Variants in GPC5 observed in about 807,000 individuals in gnomAD.
The protein encoded by GPC5 is glypican-5.
A neutral mutation model predicts 53.9 loss-of-function variants in GPC5; 47 were observed. The ratio of observed to expected loss-of-function variants is 0.87; its 90% confidence interval spans 0.69 to 1.11. The LOEUF (loss-of-function observed/expected upper bound fraction) is 1.11. GPC5 is among the 50% of genes most tolerant of loss of function. GPC5 has a pLI of 0.00. For synonymous variants in GPC5, 286 were observed against 263.3 expected, an observed-to-expected ratio of 1.09 and a Z score of -0.84; for missense variants, 748 against 713.1, an observed-to-expected ratio of 1.05 and a Z score of -0.56.
chr13:92,531,031 T>G (rs1881546740), intron 7 of GPC5, among the ~76,000 whole-genome samples: 1 of 152,202 alleles, frequency 6.6e-6, no homozygotes, highest in Admixed American at 6.5e-5. Context: ...ACCTAAATCC[T>G]TAGCACAATA....
Position 91,617,314 on chromosome 13 carries a change from G to T in GPC5, c.326-75873G>T, listed in dbSNP as rs549498789. On this transcript the variant is annotated intron_variant, in intron 2 of 7. Coordinates refer to ENST00000377067, the MANE Select transcript of GPC5 (RefSeq NM_004466.6). ...GGGGGGAAGACCGTGTAGAGAAGAT[G>T]CTATTTAATTTTGGTTTTTAAGGAT... Among the ~76,000 whole-genome samples the T allele has an allele frequency of 2.6e-5, 4 of 152,248 alleles. No individual in the cohort carries two copies. The South Asian group carries it at 8.3e-4, about 32-fold the overall frequency.
At chr13:92,036,048 T>C (rs1012236230) in intron 6 of GPC5, among the ~76,000 whole-genome samples, 2 of 152,224 alleles carry the variant, frequency 1.3e-5, no homozygotes, top group African/African-American at 4.8e-5. Context: ...GATAGTTCTA[T>C]CACATCAACC....
chr13:91,885,027 T>C (rs7998881), intron 5 of GPC5, among the ~76,000 whole-genome samples: 23,632 of 152,142 alleles, frequency 0.16, 2,126 homozygotes, highest in African/African-American at 0.26. Context: ...AATACTATTG[T>C]GGTAAATAAT....
At chr13:91,747,600 C>T (rs1326424960) in intron 4 of GPC5, among the ~76,000 whole-genome samples, 1 of 151,412 alleles carries the variant, frequency 6.6e-6, no homozygotes, top group African/African-American at 2.4e-5. Context: ...GAACATATTG[C>T]ATTCTCATTG....
chr13:92,743,661 GC>G (rs1216193761), intron 7 of GPC5, among the ~76,000 whole-genome samples: 30 of 152,056 alleles, frequency 2.0e-4, no homozygotes, highest in Non-Finnish European at 7.4e-5. Flanking sequence ...TCTGTCTTGT[GC>G]CAGTTTTCAA....
At chr13:91,419,954 T>A (rs1487855505) in intron 1 of GPC5, among the ~76,000 whole-genome samples, 3 of 152,160 alleles carry the variant, frequency 2.0e-5, no homozygotes, top group Non-Finnish European at 4.4e-5. Flanking sequence ...CTACAGAAGA[T>A]GTTTCATGAC....
chr13:92,504,975 T>TTA (rs150662924), intron 7 of GPC5, among the ~76,000 whole-genome samples: 2,645 of 150,392 alleles, frequency 0.018, 82 homozygotes, highest in African/African-American at 0.06. Context: ...CTATATATAT[T>TTA]TATATATATA....
At chr13:92,128,905 G>C (rs575128348) in intron 6 of GPC5, among the ~76,000 whole-genome samples, 1 of 152,322 alleles carries the variant, frequency 6.6e-6, no homozygotes, top group Non-Finnish European at 1.5e-5. Flanking sequence ...AGAGGTTGCA[G>C]TGAGCCAACA....
At position 91,674,422 on chromosome 13, in the gene GPC5, CATATATAT is replaced by C. The variant is rs1371536211; in HGVS notation, c.326-18763_326-18756del. On this transcript the variant is annotated intron_variant, in intron 2 of 7. Coordinates refer to ENST00000377067, the MANE Select transcript of GPC5 (RefSeq NM_004466.6). ...ACACATATATATATATACACACACA[CATATATAT>C]ACACATATATATATACACATACACA... is the stretch of plus-strand genomic sequence containing the variant. Among the ~76,000 whole-genome samples the C allele has an allele frequency of 1.2e-3, 181 of 147,442 alleles. 1 individual carries two copies. The highest frequency in any genetic ancestry group is 2.4e-3 in the Non-Finnish European group (164 of 67,616).
intron 7 of GPC5, among the ~76,000 whole-genome samples, chr13:92,379,642 G>A (rs1286505648): frequency 6.6e-6 from 1 of 151,816 alleles, no homozygotes; most frequent in Non-Finnish European, 1.5e-5. Context: ...TGTGTCCTCT[G>A]CATAGTTCTT....
At position 92,629,652 on chromosome 13, in the gene GPC5, T is replaced by C. The variant is rs368442796; in HGVS notation, c.1562-236630T>C. 1.2e-4 allele frequency among the ~76,000 whole-genome samples: 18 copies of C among 152,292 alleles called. No individual in the cohort carries two copies. The East Asian group carries it at 3.5e-3, about 29-fold the overall frequency. The stretch of plus-strand genomic sequence containing the variant: ...TTAAAGTACAGAGTATCTTAAGTCA[T>C]AAAGTGTGAGCACCTGAAGAAGAGT... On this transcript the variant is annotated intron_variant, in intron 7 of 7. Coordinates refer to ENST00000377067, the MANE Select transcript of GPC5 (RefSeq NM_004466.6).
At chr13:92,684,494 C>A (rs1190690906) in intron 7 of GPC5, among the ~76,000 whole-genome samples, 1 of 152,086 alleles carries the variant, frequency 6.6e-6, no homozygotes, top group African/African-American at 2.4e-5. Context: ...AGGTCTCGAA[C>A]TCCTGACCTC....
chr13:92,650,384 G>A (rs1298238412), intron 7 of GPC5, among the ~76,000 whole-genome samples: 1 of 152,104 alleles, frequency 6.6e-6, no homozygotes, highest in African/African-American at 2.4e-5. Flanking sequence ...TGTTTTCAGT[G>A]ATTTCCAGAG....
chr13:92,383,011 A>C (rs1214571998), intron 7 of GPC5, among the ~76,000 whole-genome samples: 1 of 151,242 alleles, frequency 6.6e-6, no homozygotes, highest in Non-Finnish European at 1.5e-5. Flanking sequence ...TCAAAAAAAA[A>C]AAAAAAAAAA....
chr13:92,218,657 G>A (rs903990588), intron 7 of GPC5, among the ~76,000 whole-genome samples: 1 of 152,046 alleles, frequency 6.6e-6, no homozygotes, highest in Non-Finnish European at 1.5e-5. Flanking sequence ...AAAATTTGGT[G>A]CTGTATGAGA....
At chr13:92,470,997 A>G (rs1374458117) in intron 7 of GPC5, among the ~76,000 whole-genome samples, 1 of 152,110 alleles carries the variant, frequency 6.6e-6, no homozygotes, top group Non-Finnish European at 1.5e-5. Context: ...AGTTTGTATC[A>G]GAGGATGTAG....
intron 7 of GPC5, among the ~76,000 whole-genome samples, chr13:92,854,374 G>T (rs1266729802): frequency 6.7e-6 from 1 of 148,538 alleles, no homozygotes; most frequent in East Asian, 1.9e-4. Context: ...TTAGTCAATA[G>T]ATATTAAATA....
chr13:91,830,564 G>A (rs562793899), intron 5 of GPC5, among the ~76,000 whole-genome samples: 54 of 151,692 alleles, frequency 3.6e-4, no homozygotes, highest in Non-Finnish European at 7.1e-4. Context: ...TTGCAGTAAA[G>A]ACAGGCATAG....
At chr13:92,188,533 A>G (rs1286500165) in intron 7 of GPC5, among the ~76,000 whole-genome samples, 2 of 152,138 alleles carry the variant, frequency 1.3e-5, no homozygotes, top group Non-Finnish European at 2.9e-5. Flanking sequence ...CACTAAATCC[A>G]TGACAATAAT....
Sources: gnomAD v4.1 joint callset for allele counts (sites outside exome capture counted in the v4.1 genomes callset) on GRCh38, gnomAD v4.1.1 for gene constraint, MANE v1.5 for transcripts, NCBI Gene and HGNC (gene_info 2026-07-23, HGNC 2026-07-21) for gene names.